Variants in CCSER2 observed in about 807,000 individuals in gnomAD.
The protein encoded by CCSER2 is coiled-coil serine rich protein 2.
A neutral mutation model predicts 92.3 loss-of-function variants in CCSER2; 46 were observed. The observed-to-expected ratio is 0.50, with a 90% CI of 0.39 to 0.64. CCSER2 has a LOEUF of 0.64. Ranked by LOEUF, CCSER2 falls within the 30% of genes least tolerant of loss-of-function variation. The probability of loss-of-function intolerance (pLI) is 0.00; values close to 1 mark genes in which losing one functional copy is unlikely to be tolerated. For missense variants in CCSER2, 1,244 were observed against 1,238.9 expected, an observed-to-expected ratio of 1.00 and a Z score of -0.06; for synonymous variants, 433 against 431.4, an observed-to-expected ratio of 1.00 and a Z score of -0.04.
rs199594948 is a variant in CCSER2 at position 84,438,685 on chromosome 10, A to G, written c.2042A>G (p.Lys681Arg). The change falls in exon 6 of 10, where the codon AAA becomes AGA. Residue 681 changes from lysine (K) to arginine (R), a missense_variant. Transcript: ENST00000372088. ...ACTGCTGTAAAAACTCAGTTACTCA[A>G]ACTGAAACGTCTCCTGCATCAGGTG... The part of the protein sequence containing the change: ...DCTAVKTQLL[K>R]LKRLLHQHDG... The G allele has an allele frequency of 3.1e-6, 5 of 1,607,832 alleles. No homozygotes were observed. In the East Asian group the frequency reaches 8.9e-5, roughly 29 times the overall value.
chr10:84,507,668 C>G (rs1849134455), intron 9 of CCSER2, among the ~76,000 whole-genome samples: 1 of 152,126 alleles, frequency 6.6e-6, no homozygotes, highest in African/African-American at 2.4e-5. Flanking sequence ...TGCTAATAAC[C>G]CTAGAACAAG....
At chr10:84,386,346 A>C (rs1841202192) in intron 3 of CCSER2, among the ~76,000 whole-genome samples, 1 of 152,262 alleles carries the variant, frequency 6.6e-6, no homozygotes, top group Non-Finnish European at 1.5e-5. Context: ...GAATCAACTT[A>C]AGTGTCCATT....
At chr10:84,391,931 T>G in intron 3 of CCSER2, 1 of 1,347,190 alleles carries the variant, frequency 7.4e-7, no homozygotes. Flanking sequence ...AGAGACACAT[T>G]CGGTGTAAGA....
intron 1 of CCSER2, among the ~76,000 whole-genome samples, chr10:84,367,015 C>T (rs1184580095): frequency 6.6e-6 from 1 of 152,132 alleles, no homozygotes; most frequent in Non-Finnish European, 1.5e-5. Context: ...AAGTTATCCC[C>T]AGAGGCTCCA....
chr10:84,465,239 T>TTGTGTGTGTGTG (rs59254139), intron 7 of CCSER2, among the ~76,000 whole-genome samples: 1 of 106,788 alleles, frequency 9.4e-6, no homozygotes, highest in Non-Finnish European at 1.9e-5. Flanking sequence ...TTTCCTGAAT[T>TTGTGTGTGTGTG]TGTGTGTGTG....
intron 5 of CCSER2, among the ~76,000 whole-genome samples, chr10:84,428,049 T>G (rs1482891175): frequency 2.0e-5 from 3 of 152,184 alleles, no homozygotes; most frequent in Non-Finnish European, 4.4e-5. Context: ...GGCTTGGCCC[T>G]TAGCCCACTT....
At chr10:84,365,891 T>C (rs1303130700) in intron 1 of CCSER2, among the ~76,000 whole-genome samples, 1 of 152,192 alleles carries the variant, frequency 6.6e-6, no homozygotes, top group Non-Finnish European at 1.5e-5. Flanking sequence ...TAATATGTAA[T>C]ATCAATACCA....
intron 4 of CCSER2, among the ~76,000 whole-genome samples, chr10:84,419,994 T>G (rs1325544738): frequency 2.0e-5 from 3 of 152,206 alleles, no homozygotes; most frequent in Non-Finnish European, 4.4e-5. Flanking sequence ...TCTGGGAAAT[T>G]TAATGGTAAT....
chr10:84,382,843 A>G (rs1208210568), intron 3 of CCSER2, among the ~76,000 whole-genome samples: 1 of 152,190 alleles, frequency 6.6e-6, no homozygotes, highest in Non-Finnish European at 1.5e-5. Context: ...ATTCTTGTTC[A>G]CTTTAAAAGG....
chr10:84,500,005 A>T, intron 9 of CCSER2: 1 of 1,613,028 alleles, frequency 6.2e-7, no homozygotes, highest in Non-Finnish European at 8.5e-7. Context: ...CTTCCCCTTC[A>T]TGGTATTTCC....
chr10:84,348,386 A>G (rs1844660733), intron 1 of CCSER2, among the ~76,000 whole-genome samples: 1 of 152,308 alleles, frequency 6.6e-6, no homozygotes, highest in Middle Eastern at 3.4e-3. Context: ...GGTTGCAGTG[A>G]GCAGAGATGG....
chr10:84,358,120 AC>A (rs1190637203), intron 1 of CCSER2, among the ~76,000 whole-genome samples: 1 of 152,182 alleles, frequency 6.6e-6, no homozygotes, highest in Non-Finnish European at 1.5e-5. Context: ...ATGAAATAGG[AC>A]ATTTTGGGTG....
chr10:84,356,581 T>G (rs1381948324), intron 1 of CCSER2, among the ~76,000 whole-genome samples: 1 of 152,172 alleles, frequency 6.6e-6, no homozygotes, highest in Non-Finnish European at 1.5e-5. Context: ...TTCAAAAAAA[T>G]GAAAGAAGTA....
At chr10:84,497,630 C>T (rs941064235) in intron 9 of CCSER2, among the ~76,000 whole-genome samples, 6 of 152,142 alleles carry the variant, frequency 3.9e-5, no homozygotes, top group African/African-American at 1.4e-4. Context: ...TTGTTTAAAT[C>T]AGTAAATAGT....
Position 84,514,206 on chromosome 10 carries a change from A to G in CCSER2, c.3083A>G (p.His1028Arg), listed in dbSNP as rs926400317. ...EIMQNPNGNL[H>R]SGDCLASNRY... ...ATGCAGAATCCAAATGGCAATTTGC[A>G]TTCTGGGGATTGTTTGGCCTCTAAT... is the stretch of plus-strand genomic sequence containing the variant. Residue 1028 changes from histidine (H) to arginine (R), a missense_variant, in exon 10 of 10, where the codon CAT becomes CGT. By Grantham distance (29) the His-to-Arg change is conservative (BLOSUM62 0). Transcript: ENST00000372088. 6.5e-6 allele frequency: 10 copies of G among 1,536,540 alleles called. No homozygotes were observed. The Admixed American group carries it at 1.6e-4, about 24-fold the overall frequency.
chr10:84,512,636 C>A (rs933599086), intron 9 of CCSER2, among the ~76,000 whole-genome samples: 1 of 152,088 alleles, frequency 6.6e-6, no homozygotes, highest in African/African-American at 2.4e-5. Flanking sequence ...GCACACAGAC[C>A]CTAAGAACCT....
Position 84,373,743 on chromosome 10 carries a change from T to A in CCSER2, c.1542T>A (p.Asp514Glu). Reference protein sequence around the residue: ...SDSSDGTYMWDEEGLEPIGNV... With the variant: ...SDSSDGTYMWEEEGLEPIGNV... ...GCTCTGATGGAACATACATGTGGGA[T>A]GAAGAAGGCTTGGAACCCATTGGAA... Residue 514 changes from aspartate to glutamate, a missense_variant, in exon 3 of 10, where the codon GAT becomes GAA. By Grantham distance (45) the Asp-to-Glu change is conservative. Transcript: ENST00000372088. 6.2e-7 allele frequency: 1 copy of A among 1,613,792 alleles called. No homozygotes were observed. The highest frequency in any genetic ancestry group is 8.5e-7 in the Non-Finnish European group (1 of 1,179,770).
intron 3 of CCSER2, among the ~76,000 whole-genome samples, chr10:84,410,681 T>C (rs1037535873): frequency 2.6e-5 from 4 of 152,218 alleles, no homozygotes; most frequent in Admixed American, 6.5e-5. Context: ...GTCAGACGGA[T>C]AGATTGCAAA....
At position 84,488,687 on chromosome 10, in the gene CCSER2, C is replaced by A. The variant is rs569960226; in HGVS notation, c.2325+11023C>A. ...CAATTTTGTTGACATTTTCAAAAAACCAGCTCCTGGATTCATTGATTCTTT... is the reference window on the plus strand; with the variant it reads ...CAATTTTGTTGACATTTTCAAAAAAACAGCTCCTGGATTCATTGATTCTTT... On this transcript the variant is annotated intron_variant, in intron 9 of 9. Coordinates refer to ENST00000372088, the MANE Select transcript of CCSER2 (RefSeq NM_001284240.2). 2.6e-5 allele frequency among the ~76,000 whole-genome samples: 4 copies of A among 152,220 alleles called. No individual in the cohort carries two copies. In the South Asian group the frequency reaches 6.2e-4, roughly 24 times the overall value.
Sources: allele counts gnomAD v4.1 joint callset (sites outside exome capture counted in the v4.1 genomes callset), GRCh38; gene constraint gnomAD v4.1.1; transcripts MANE v1.5; gene names NCBI Gene and HGNC (gene_info 2026-07-23, HGNC 2026-07-21).